Variants in TFDP2 observed in about 807,000 individuals in gnomAD.
The protein encoded by TFDP2 is transcription factor Dp-2, also known as transcription factor Dp-2 (E2F dimerization partner 2).
In TFDP2, 17 loss-of-function variants were observed where a neutral mutation model predicts 59.3. The ratio of observed to expected loss-of-function variants is 0.29; its 90% CI spans 0.20 to 0.43. The LOEUF is 0.43. TFDP2 is among the 20% of genes least tolerant of loss of function. The pLI, the probability that TFDP2 is intolerant of heterozygous loss-of-function variation, is 1.00. For missense variants in TFDP2, 391 were observed against 528.8 expected (o/e 0.74, Z 2.56); for synonymous variants, 180 against 194.7 (o/e 0.92, Z 0.63).
intron 3 of TFDP2, among the ~76,000 whole-genome samples, chr3:142,028,403 C>A (rs1357847218): frequency 6.6e-6 from 1 of 150,520 alleles, no homozygotes; most frequent in Admixed American, 6.7e-5. Flanking sequence ...CCCCTCCCCC[C>A]CCACCCCAAC....
chr3:142,019,344 G>A (rs955914156), intron 3 of TFDP2, among the ~76,000 whole-genome samples: 19 of 152,284 alleles, frequency 1.2e-4, no homozygotes, highest in Admixed American at 7.8e-4. Flanking sequence ...GATTACAGGC[G>A]TGAGCCACTG....
intron 8 of TFDP2, 152 bp from the exon 9 acceptor site, chr3:141,970,293 G>A: frequency 1.5e-6 from 1 of 671,250 alleles, no homozygotes; most frequent in South Asian, 1.8e-5. Flanking sequence ...TCTTTGTAGG[G>A]GGCAGGGGCT....
Position 142,084,362 on chromosome 3 carries a change from T to G in TFDP2, c.82+8699A>C, listed in dbSNP as rs140936935. ...TGAGGATGTGGAGAGAAGGGAACCCTTGTACGCTGTTGGCAGGAATATAAG... is the reference window on the plus strand; with the variant it reads ...TGAGGATGTGGAGAGAAGGGAACCCGTGTACGCTGTTGGCAGGAATATAAG... On this transcript the variant is annotated intron_variant, in intron 3 of 12. Coordinates refer to ENST00000489671, the MANE Select transcript of TFDP2 (RefSeq NM_001178139.2). Among the ~76,000 whole-genome samples the G allele has an allele frequency of 6.8e-3, 1,041 of 152,258 alleles. 18 individuals carry two copies. Among genetic ancestry groups the G allele is most frequent in the African/African-American group, 0.024 (1,007 of 41,546 alleles).
intron 1 of TFDP2, among the ~76,000 whole-genome samples, chr3:142,138,347 G>C (rs2062813596): frequency 6.6e-6 from 1 of 152,104 alleles, no homozygotes; most frequent in Admixed American, 6.5e-5. Flanking sequence ...ATTTTTTGAA[G>C]AGTTTTTTGT....
chr3:141,996,567 G>A (rs1248880830), intron 4 of TFDP2, among the ~76,000 whole-genome samples: 2 of 152,174 alleles, frequency 1.3e-5, no homozygotes, highest in Non-Finnish European at 2.9e-5. Context: ...ACATGTTTCT[G>A]CAGCCAGGGT....
At chr3:141,980,479 C>G (rs774999530) in intron 6 of TFDP2, among the ~76,000 whole-genome samples, 9 of 151,884 alleles carry the variant, frequency 5.9e-5, no homozygotes, top group Non-Finnish European at 1.3e-4. Context: ...ATTGTACTAC[C>G]AAATACTAGA....
intron 8 of TFDP2, among the ~76,000 whole-genome samples, chr3:141,973,106 TATATATATA>T (rs1409106303): frequency 4.6e-5 from 5 of 107,832 alleles, no homozygotes; most frequent in South Asian, 3.2e-4. Flanking sequence ...TATATATATA[TATATATATA>T]TATATATATT....
At chr3:142,106,277 T>C (rs56008466) in intron 1 of TFDP2, among the ~76,000 whole-genome samples, 12,968 of 152,252 alleles carry the variant, frequency 0.085, 696 homozygotes, top group Middle Eastern at 0.14. Context: ...AACGTTCAAA[T>C]GTAATTTTAA....
At chr3:142,052,333 C>A (rs1220244437) in intron 3 of TFDP2, among the ~76,000 whole-genome samples, 1 of 151,540 alleles carries the variant, frequency 6.6e-6, no homozygotes, top group African/African-American at 2.4e-5. Flanking sequence ...GTCAGGAGAT[C>A]ATGACCATCC....
Position 142,149,432 on chromosome 3 carries a change from A to G in TFDP2, c.-342T>C, listed in dbSNP as rs1179497598. On this transcript the variant is annotated 5_prime_UTR_variant, in exon 1 of 13. Coordinates refer to ENST00000489671, the MANE Select transcript of TFDP2 (RefSeq NM_001178139.2). ...TCAGGGCGCGCCCCGCGGGCCGGGC[A>G]GCTGCGGCAGCGCCGCAGCCGAGAT... 7.9e-6 allele frequency: 3 copies of G among 382,038 alleles called. No homozygotes were observed. Among genetic ancestry groups the G allele is most frequent in the Non-Finnish European group, 9.3e-6 (2 of 215,806 alleles). The allele number at this position is 382,038 out of a possible 1,614,324, so 23.7% of individuals were successfully genotyped here. A position where few individuals can be genotyped will look rare whatever the true frequency, so the allele number is the denominator to read the frequency against.
chr3:142,118,417 AAC>A (rs1285357992), intron 1 of TFDP2, among the ~76,000 whole-genome samples: 1 of 152,228 alleles, frequency 6.6e-6, no homozygotes, highest in Non-Finnish European at 1.5e-5. Context: ...AAACAACTGT[AAC>A]ACAATCCTCT....
At chr3:141,969,959 G>A in intron 9 of TFDP2, 114 bp downstream of exon 9, 1 of 988,368 alleles carries the variant, frequency 1.0e-6, no homozygotes, top group African/African-American at 1.6e-5. Flanking sequence ...AGGCTGCCCT[G>A]GCGTGGGCTC....
chr3:141,988,669 C>CTTTTTTTTTTTTTTTTTTTTT (rs540352017), intron 6 of TFDP2, among the ~76,000 whole-genome samples: 1 of 125,706 alleles, frequency 8.0e-6, no homozygotes, highest in Non-Finnish European at 1.6e-5. Flanking sequence ...CTTTTCTTTT[C>CTTTTTTTTTTTTTTTTTTTTT]TTTTTTTTTT....
At position 141,952,511 on chromosome 3, in the gene TFDP2, CTT is replaced by C. The variant is rs747228719; in HGVS notation, c.1341_*1del. 2.6e-6 allele frequency: 4 copies of C among 1,528,102 alleles called. No homozygotes were observed. Among genetic ancestry groups the C allele is most frequent in the Non-Finnish European group, 2.6e-6 (3 of 1,146,004 alleles). The allele number at this position is 1,528,102 out of a possible 1,614,324, so 94.7% of individuals were successfully genotyped here. On this transcript the variant is annotated stop_retained_variant and 3_prime_UTR_variant, in exon 13 of 13. Coordinates refer to ENST00000489671, the MANE Select transcript of TFDP2 (RefSeq NM_001178139.2). ...TATTGAAACGTAGGCTTTCTCTTGT[CTT>C]TATTCTGGGGAGGAGGAATCCTCCT...
chr3:142,137,392 G>A (rs955858356), intron 1 of TFDP2, among the ~76,000 whole-genome samples: 1 of 152,146 alleles, frequency 6.6e-6, no homozygotes, highest in Non-Finnish European at 1.5e-5. Context: ...TTGCCTGACT[G>A]CCCTGGCCAG....
intron 1 of TFDP2, among the ~76,000 whole-genome samples, chr3:142,104,114 G>A (rs900428547): frequency 2.0e-5 from 3 of 152,056 alleles, no homozygotes; most frequent in Non-Finnish European, 4.4e-5. Context: ...TTTAAAAATC[G>A]AAGTAAAACC....
intron 1 of TFDP2, among the ~76,000 whole-genome samples, chr3:142,144,462 T>G (rs2063090051): frequency 6.6e-6 from 1 of 152,172 alleles, no homozygotes; most frequent in African/African-American, 2.4e-5. Context: ...GAAAGTACTA[T>G]GCTCAGAAAT....
intron 10 of TFDP2, among the ~76,000 whole-genome samples, chr3:141,960,179 T>G (rs1215527861): frequency 1.3e-5 from 2 of 152,224 alleles, no homozygotes; most frequent in Non-Finnish European, 2.9e-5. Flanking sequence ...CTTTCTACTT[T>G]AATATTACGA....
At chr3:142,058,013 T>C (rs1016239008) in intron 3 of TFDP2, among the ~76,000 whole-genome samples, 3 of 152,214 alleles carry the variant, frequency 2.0e-5, no homozygotes, top group Non-Finnish European at 2.9e-5. Flanking sequence ...GCCTATAAAA[T>C]AGTCACAATT....
Sources: gnomAD v4.1 joint callset for allele counts (sites outside exome capture counted in the v4.1 genomes callset) on GRCh38, gnomAD v4.1.1 for gene constraint, MANE v1.5 for transcripts, NCBI Gene and HGNC (gene_info 2026-07-23, HGNC 2026-07-21) for gene names.